TENM4: variants seen among roughly 807,000 people sequenced by gnomAD.
TENM4 encodes the protein teneurin transmembrane protein 4.
Under a neutral mutation model 243.3 loss-of-function variants are expected in TENM4, and 82 were observed. The ratio of observed to expected loss-of-function variants is 0.34; its 90% CI spans 0.28 to 0.40. The LOEUF is 0.40. Among genes scored for constraint, TENM4 ranks in the 10% least tolerant of loss-of-function variants. The probability of loss-of-function intolerance (pLI) is 1.00; values close to 1 mark genes in which losing one functional copy is unlikely to be tolerated. For missense variants in TENM4, 3,138 were observed against 3,673.3 expected (o/e 0.85, Z 3.77); for synonymous variants, 1,412 against 1,456.3 (o/e 0.97, Z 0.69).
At chr11:78,738,839 G>A (rs1855858450) in intron 19 of TENM4, among the ~76,000 whole-genome samples, 3 of 152,206 alleles carry the variant, frequency 2.0e-5, no homozygotes, top group Non-Finnish European at 2.9e-5. Context: ...ACTGTATTAT[G>A]CTGTAAGGAG....
chr11:79,182,657 T>C (rs1166138371), intron 3 of TENM4, among the ~76,000 whole-genome samples: 3 of 152,074 alleles, frequency 2.0e-5, no homozygotes, highest in African/African-American at 7.2e-5. Flanking sequence ...GAGAAAAATA[T>C]TTGCAAAAGA....
At chr11:78,846,738 C>G (rs1188899633) in intron 12 of TENM4, among the ~76,000 whole-genome samples, 1 of 152,144 alleles carries the variant, frequency 6.6e-6, no homozygotes, top group African/African-American at 2.4e-5. Context: ...ATGTCTGCCT[C>G]CTGGCTATAC....
intron 2 of TENM4, among the ~76,000 whole-genome samples, chr11:79,221,625 T>C (rs1864156780): frequency 6.6e-6 from 1 of 151,504 alleles, no homozygotes; most frequent in South Asian, 2.1e-4. Flanking sequence ...CACCCCTGCC[T>C]CTCCTCCCAC....
chr11:79,330,507 G>C (rs562227670), intron 1 of TENM4, among the ~76,000 whole-genome samples: 1 of 152,302 alleles, frequency 6.6e-6, no homozygotes, highest in East Asian at 1.9e-4. Flanking sequence ...ATTCAGCCTG[G>C]TGCACAGACA....
intron 12 of TENM4, among the ~76,000 whole-genome samples, chr11:78,849,185 T>C (rs1858474897): frequency 6.6e-6 from 1 of 152,228 alleles, no homozygotes; most frequent in Admixed American, 6.5e-5. Flanking sequence ...GAAAACGAAC[T>C]TGTTAGGTCT....
chr11:79,267,853 C>A (rs1855906963), intron 2 of TENM4, among the ~76,000 whole-genome samples: 1 of 152,192 alleles, frequency 6.6e-6, no homozygotes, highest in Non-Finnish European at 1.5e-5. Flanking sequence ...TGTACCACTT[C>A]ATTACTGAAA....
chr11:79,089,020 G>A (rs1292595940), intron 4 of TENM4, among the ~76,000 whole-genome samples: 1 of 152,184 alleles, frequency 6.6e-6, no homozygotes, highest in Non-Finnish European at 1.5e-5. Context: ...TCATCTGGGG[G>A]TCTGGAGCGG....
At chr11:79,431,584 C>A (rs1030264945) in intron 1 of TENM4, among the ~76,000 whole-genome samples, 1 of 152,174 alleles carries the variant, frequency 6.6e-6, no homozygotes, top group Non-Finnish European at 1.5e-5. Context: ...AAGGAGAGTA[C>A]CTGTCTCCCA....
intron 1 of TENM4, among the ~76,000 whole-genome samples, chr11:79,388,059 T>C (rs934445050): frequency 3.3e-5 from 5 of 152,126 alleles, no homozygotes; most frequent in African/African-American, 1.2e-4. Context: ...GTGTGAAAGG[T>C]GGTACAGGGC....
rs117437814 is a variant in TENM4, at chr11:79,156,380, A to T, written c.-162-7574T>A. Among the ~76,000 whole-genome samples the T allele has an allele frequency of 6.6e-5, 10 of 152,342 alleles. No individual in the cohort carries two copies. In the East Asian group the frequency reaches 1.9e-3, roughly 29 times the overall value. On this transcript the variant is annotated intron_variant, in intron 3 of 33. Coordinates refer to ENST00000278550, the MANE Select transcript of TENM4 (RefSeq NM_001098816.3). ...CTGGTCCCTGTTCACGTTGTGTGTAACGCATACCCCACCAGGGAGTCTTGG... is the reference window on the plus strand; with the variant it reads ...CTGGTCCCTGTTCACGTTGTGTGTATCGCATACCCCACCAGGGAGTCTTGG...
rs1857097833 is a variant in TENM4 at position 79,333,642 on chromosome 11, C to T, written c.-320-36099G>A. On this transcript the variant is annotated intron_variant, in intron 1 of 33. Coordinates refer to ENST00000278550, the MANE Select transcript of TENM4 (RefSeq NM_001098816.3). ...ACCAAAACCATAACAATTGTTTTCA[C>T]AGCTGCTGCTACTAAACCATGTCTG... Among the ~76,000 whole-genome samples the T allele has an allele frequency of 1.3e-5, 2 of 152,332 alleles. 1 individual carries two copies. Among genetic ancestry groups the T allele is most frequent in the South Asian group, 4.1e-4 (2 of 4,820 alleles).
chr11:79,371,294 A>G (rs553673184), intron 1 of TENM4, among the ~76,000 whole-genome samples: 56 of 152,340 alleles, frequency 3.7e-4, no homozygotes, highest in African/African-American at 1.3e-3. Context: ...TGCACAGCCT[A>G]CAGCAATTCC....
intron 30 of TENM4, among the ~76,000 whole-genome samples, chr11:78,672,747 C>G (rs1037195223): frequency 6.6e-6 from 1 of 152,200 alleles, no homozygotes; most frequent in African/African-American, 2.4e-5. Flanking sequence ...ACACCAGACA[C>G]TGCGGAGACC....
At chr11:78,796,781 GA>G (rs1349744771) in intron 15 of TENM4, among the ~76,000 whole-genome samples, 1 of 152,090 alleles carries the variant, frequency 6.6e-6, no homozygotes. Flanking sequence ...ATCTTTCCTA[GA>G]AAATGCCTTG....
At chr11:79,309,100 C>G (rs1233849888) in intron 1 of TENM4, among the ~76,000 whole-genome samples, 1 of 152,130 alleles carries the variant, frequency 6.6e-6, no homozygotes, top group Admixed American at 6.5e-5. Flanking sequence ...AAGGAGCATC[C>G]ACTCACCACC....
At chr11:79,036,881 G>A (rs1463992429) in intron 6 of TENM4, among the ~76,000 whole-genome samples, 1 of 151,832 alleles carries the variant, frequency 6.6e-6, no homozygotes, top group African/African-American at 2.4e-5. Flanking sequence ...CATGGTGGCG[G>A]TCACCTGTAT....
chr11:79,319,850 T>C (rs1024434850), intron 1 of TENM4, among the ~76,000 whole-genome samples: 1 of 152,246 alleles, frequency 6.6e-6, no homozygotes, highest in South Asian at 2.1e-4. Flanking sequence ...CTCCAACCTG[T>C]CCGGTCCTGA....
intron 1 of TENM4, among the ~76,000 whole-genome samples, chr11:79,330,579 C>A (rs920729811): frequency 6.6e-6 from 1 of 152,160 alleles, no homozygotes; most frequent in African/African-American, 2.4e-5. Context: ...ATCTGTAAAA[C>A]GGAATGGCCA....
At chr11:79,396,766 C>T (rs1414102123) in intron 1 of TENM4, among the ~76,000 whole-genome samples, 2 of 152,328 alleles carry the variant, frequency 1.3e-5, no homozygotes, top group East Asian at 3.9e-4. Context: ...CAAGACCTCT[C>T]TCCTCTCTGG....
Sources: allele counts gnomAD v4.1 joint callset (sites outside exome capture counted in the v4.1 genomes callset), GRCh38; gene constraint gnomAD v4.1.1; transcripts MANE v1.5; gene names NCBI Gene and HGNC (gene_info 2026-07-23, HGNC 2026-07-21).